The following MVK variants were observed in gnomAD, a reference collection of about 807,000 sequenced individuals.
The protein encoded by MVK is mevalonate kinase.
A neutral mutation model predicts 43.2 loss-of-function variants in MVK; 34 were observed. The ratio of observed to expected loss-of-function variants is 0.79; its 90% CI spans 0.60 to 1.05. The LOEUF (loss-of-function observed/expected upper bound fraction) is 1.05, where lower values mean the gene tolerates loss of function less well. Ranked by LOEUF, MVK falls within the 50% of genes least tolerant of loss-of-function variation. MVK has a pLI of 0.00. For synonymous variants in MVK, 190 were observed against 219.8 expected (o/e 0.86, Z 1.20); for missense variants, 395 against 504.0 (o/e 0.78, Z 2.07).
chr12:109,592,891 C>G (rs1885744083), intron 9 of MVK, among the ~76,000 whole-genome samples: 1 of 152,152 alleles, frequency 6.6e-6, no homozygotes, highest in South Asian at 2.1e-4. Context: ...GGAACACAGT[C>G]CCCCCGAGTA....
chr12:109,594,961 CAG>C (rs1314809367), intron 9 of MVK, 65 bp from the exon 10 acceptor site: 4 of 1,601,312 alleles, frequency 2.5e-6, no homozygotes, highest in African/African-American at 2.7e-5. Flanking sequence ...GAGGCAGGCT[CAG>C]GGGTGGGCAT....
intron 5 of MVK, among the ~76,000 whole-genome samples, chr12:109,584,170 A>G (rs1022611596): frequency 2.0e-5 from 3 of 152,220 alleles, no homozygotes; most frequent in African/African-American, 7.2e-5. Flanking sequence ...CCATTTCTCA[A>G]TGGTCCATTT....
chr12:109,581,327 C>A, intron 4 of MVK, 68 bp from the exon 5 acceptor site: 2 of 1,603,106 alleles, frequency 1.2e-6, no homozygotes, highest in Non-Finnish European at 1.7e-6. Flanking sequence ...TGGGCCTGGC[C>A]CCTGGTTCAG....
chr12:109,576,129 G>T lies in MVK; in HGVS notation c.210G>T (p.Leu70=), dbSNP rs199811011. Reference sequence around the variant, plus strand: ...GGGATGTGGCCAGGCTTCAGTCACTGGACACAAGCTTTCTGGGTGAGTGCA... The same window carrying T: ...GGGATGTGGCCAGGCTTCAGTCACTTGACACAAGCTTTCTGGGTGAGTGCA... The part of the protein sequence containing the change: ...RAWDVARLQS[L]DTSFLEQGDV... The change falls in exon 3 of 11, where the codon CTG becomes CTT. Residue 70 remains leucine, a synonymous_variant. Coordinates refer to ENST00000228510, the MANE Select transcript of MVK (RefSeq NM_000431.4). 2.5e-6 allele frequency: 4 copies of T among 1,614,074 alleles called. No homozygotes were observed. Among genetic ancestry groups the T allele is most frequent in the Non-Finnish European group, 3.4e-6 (4 of 1,180,040 alleles).
intron 3 of MVK, chr12:109,579,188 G>A (rs1164283303): frequency 2.3e-6 from 1 of 437,264 alleles, no homozygotes; most frequent in East Asian, 7.2e-5. Flanking sequence ...TATGCAGCCT[G>A]GAGTACAGTG....
chr12:109,595,849 C>T lies in MVK; in HGVS notation c.1040-577C>T, dbSNP rs1885894180. Among the ~76,000 whole-genome samples the T allele has an allele frequency of 6.6e-6, 1 of 152,116 alleles. No homozygotes were observed. The highest frequency in any genetic ancestry group is 2.1e-4 in the South Asian group (1 of 4,830). On this transcript the variant is annotated intron_variant, in intron 10 of 10. Transcript: ENST00000228510. The surrounding 1 kb of genome is among the most constrained non-coding windows in gnomAD (Gnocchi z 5.9). The stretch of plus-strand genomic sequence containing the variant: ...CTCTCTGTTCTTCATCCTTCCTTTC[C>T]CCTCTGCTTTGCACTGAGCCCCCTT...
chr12:109,575,906 C>A (rs1884928277), intron 2 of MVK, 92 bp from the exon 3 acceptor site: 2 of 1,493,198 alleles, frequency 1.3e-6, no homozygotes, highest in Non-Finnish European at 9.3e-7. Context: ...GGAGTGGCCT[C>A]TGTGCTTATG....
At chr12:109,593,505 G>A (rs1031787851) in intron 9 of MVK, among the ~76,000 whole-genome samples, 2 of 152,226 alleles carry the variant, frequency 1.3e-5, no homozygotes, top group African/African-American at 4.8e-5. Context: ...GTAGACAGGA[G>A]CTTCATGTCA....
intron 7 of MVK, chr12:109,589,957 AG>A (rs1200414146): frequency 1.3e-5 from 2 of 154,004 alleles, no homozygotes; most frequent in Non-Finnish European, 2.9e-5. Context: ...CATGCTAGAG[AG>A]TCAGCTCAAC....
intron 3 of MVK, among the ~76,000 whole-genome samples, chr12:109,576,903 A>T (rs1230228428): frequency 2.6e-5 from 4 of 152,110 alleles, no homozygotes; most frequent in Non-Finnish European, 4.4e-5. Context: ...TAAAAGTACA[A>T]GTTACCTATG....
At chr12:109,586,614 C>A in intron 6 of MVK, 140 bp from the exon 7 acceptor site, 1 of 918,914 alleles carries the variant, frequency 1.1e-6, no homozygotes, top group Non-Finnish European at 1.7e-6. Flanking sequence ...CCTTTTGTAA[C>A]TGAAGCTGGG....
In MVK at chr12:109,586,130, G is replaced by A. The variant is rs570652921; in HGVS notation, c.631+5G>A. The A allele has an allele frequency of 1.9e-6, 3 of 1,605,616 alleles. No individual in the cohort carries two copies. The highest frequency in any genetic ancestry group is 1.3e-5 in the African/African-American group (1 of 74,848). On this transcript the variant is annotated splice_donor_5th_base_variant and intron_variant, in intron 6 of 10. Coordinates refer to ENST00000228510, the MANE Select transcript of MVK (RefSeq NM_000431.4). The stretch of plus-strand genomic sequence containing the variant: ...ACAATGCTGTCAGCACCTGGGGTAG[G>A]TGTGGCCTCAGGTTTATTTTATTGT...
chr12:109,579,653 GAA>G, intron 3 of MVK, 147 bp from the exon 4 acceptor site: 2 of 1,114,514 alleles, frequency 1.8e-6, no homozygotes, highest in Non-Finnish European at 2.7e-6. Context: ...TAAAGCCAAT[GAA>G]CAGACTTGGG....
intron 5 of MVK, among the ~76,000 whole-genome samples, chr12:109,585,605 T>TA (rs749205159): frequency 2.6e-5 from 4 of 151,994 alleles, no homozygotes; most frequent in Non-Finnish European, 4.4e-5. Flanking sequence ...CCGTCTCTAC[T>TA]AAAAAATACA....
intron 3 of MVK, chr12:109,579,082 G>A (rs1593014556): frequency 3.0e-6 from 1 of 335,458 alleles, no homozygotes; most frequent in South Asian, 2.3e-5. Flanking sequence ...GTGCGATTGA[G>A]CCAGCATTCT....
At position 109,595,024 on chromosome 12, in the gene MVK, C is replaced by T. The variant is rs973898912; in HGVS notation, c.886-4C>T. On this transcript the variant is annotated splice_region_variant and splice_polypyrimidine_tract_variant and intron_variant, in intron 9 of 10. Coordinates refer to ENST00000228510, the MANE Select transcript of MVK (RefSeq NM_000431.4). The surrounding 1 kb of genome is among the most constrained non-coding windows in gnomAD (Gnocchi z 5.9). ...GTGGGAACAGATGGAACCTTCTCCC[C>T]TAGGAGCTCATTGACATGAACCAGC... The T allele has an allele frequency of 6.2e-7, 1 of 1,614,054 alleles. No individual in the cohort carries two copies. Among genetic ancestry groups the T allele is most frequent in the Non-Finnish European group, 8.5e-7 (1 of 1,180,042 alleles).
intron 3 of MVK, chr12:109,579,016 A>T: frequency 3.5e-6 from 1 of 286,524 alleles, no homozygotes; most frequent in South Asian, 2.8e-5. Context: ...TTGGGGGTTA[A>T]CTTAACACTC....
upstream of MVK, chr12:109,573,435 G>A (rs1884742324): frequency 6.2e-7 from 1 of 1,607,390 alleles, no homozygotes; most frequent in East Asian, 2.2e-5. Flanking sequence ...CGCAGGCCAA[G>A]ACGGCTCCCC....
intron 3 of MVK, among the ~76,000 whole-genome samples, chr12:109,577,834 T>C (rs1389624012): frequency 4.6e-5 from 7 of 152,188 alleles, no homozygotes; most frequent in Non-Finnish European, 1.0e-4. Context: ...GCCACTCCTT[T>C]GGAGCGTGCA....
Sources: gnomAD v4.1 joint callset for allele counts (sites outside exome capture counted in the v4.1 genomes callset) on GRCh38, gnomAD v4.1.1 for gene constraint, Gnocchi (gnomAD v3.1) non-coding constraint, MANE v1.5 for transcripts, NCBI Gene and HGNC (gene_info 2026-07-23, HGNC 2026-07-21) for gene names.